Variants in NAA16 observed in about 807,000 individuals in gnomAD.
NAA16 encodes NARG1-like protein.
In NAA16, 97 loss-of-function variants were observed where a neutral mutation model predicts 110.3. The ratio of observed to expected loss-of-function variants is 0.88; its 90% confidence interval spans 0.75 to 1.04. The LOEUF (loss-of-function observed/expected upper bound fraction) is 1.04, where lower values mean the gene tolerates loss of function less well. NAA16 is among the 50% of genes least tolerant of loss of function. The pLI is 0.00. For synonymous variants in NAA16, 372 were observed against 330.6 expected (o/e 1.13, Z -1.36); for missense variants, 1,017 against 1,005.1 (o/e 1.01, Z -0.16).
At chr13:41,331,399 AT>A in intron 8 of NAA16, 30 bp downstream of exon 8, 1 of 1,390,848 alleles carries the variant, frequency 7.2e-7, no homozygotes, top group South Asian at 1.2e-5. Flanking sequence ...TATAATATTA[AT>A]TATTTGTCAG....
Position 41,311,580 on chromosome 13 carries a change from T to C in NAA16, c.52T>C (p.Leu18=), listed in dbSNP as rs150451630. 146 of 1,607,256 alleles carry C rather than the reference T, an allele frequency of 9.1e-5. No individual in the cohort carries two copies. Among genetic ancestry groups the C allele is most frequent in the Non-Finnish European group, 1.2e-4 (141 of 1,177,336 alleles). ...PKESNLFKRI[L]KCYEQKQYKN... ...GGAGAGCAACCTCTTCAAACGCATC[T>C]TGGTGAGTGGCCGTAGGCCGCGCTG... is the stretch of plus-strand genomic sequence containing the variant. The change falls in exon 1 of 20, where the codon TTG becomes CTG. Residue 18 remains leucine (L), a splice_region_variant and synonymous_variant. Coordinates refer to ENST00000379406, the MANE Select transcript of NAA16 (RefSeq NM_024561.5).
chr13:41,340,392 T>A (rs908907281), intron 9 of NAA16, among the ~76,000 whole-genome samples: 1 of 152,144 alleles, frequency 6.6e-6, no homozygotes, highest in African/African-American at 2.4e-5. Context: ...TGTTTGCCCT[T>A]GCTTCTCTAG....
At chr13:41,346,785 A>G (rs1163104133) in intron 9 of NAA16, among the ~76,000 whole-genome samples, 1 of 152,142 alleles carries the variant, frequency 6.6e-6, no homozygotes, top group Non-Finnish European at 1.5e-5. Flanking sequence ...AGAATTGGCT[A>G]GACCTTGGAG....
rs557228508 is a variant in NAA16 at position 41,350,328 on chromosome 13, C to G, written c.1015-4816C>G. On this transcript the variant is annotated intron_variant, in intron 9 of 19. Transcript: ENST00000379406. ...TTTTTTTTTGAGACGGAGTCTCGCT[C>G]TGTCCCCCAGGCTGGAGTGCAGTGG... Among the ~76,000 whole-genome samples, 51 of 149,098 alleles carry G rather than the reference C, an allele frequency of 3.4e-4. No individual in the cohort carries two copies. In the South Asian group the frequency reaches 0.01, roughly 30 times the overall value.
chr13:41,323,121 T>C lies in NAA16; in HGVS notation c.468T>C (p.Ile156=), dbSNP rs142473539. The C allele has an allele frequency of 1.9e-6, 3 of 1,613,152 alleles. No individual in the cohort carries two copies. The African/African-American group carries it at 4.0e-5, about 22-fold the overall frequency. ...GTGCCTCCTGGATTGGATATGCTATTGCATACCATTTGCTGAAAGATTATG... is the reference window on the plus strand; with the variant it reads ...GTGCCTCCTGGATTGGATATGCTATCGCATACCATTTGCTGAAAGATTATG... ...TQRASWIGYA[I]AYHLLKDYDM... is the part of the protein sequence containing the mutation. Residue 156 remains isoleucine (I), a synonymous_variant, in exon 5 of 20, where the codon ATT becomes ATC. Coordinates refer to ENST00000379406, the MANE Select transcript of NAA16 (RefSeq NM_024561.5).
intron 13 of NAA16, among the ~76,000 whole-genome samples, chr13:41,366,177 T>C (rs908364914): frequency 2.6e-5 from 4 of 152,188 alleles, no homozygotes; most frequent in Non-Finnish European, 4.4e-5. Flanking sequence ...GGCTTTTTAG[T>C]CATAAACTAA....
chr13:41,358,957 A>C lies in NAA16; in HGVS notation c.1405A>C (p.Thr469Pro), dbSNP rs751228305. Residue 469 changes from threonine (T) to proline (P), a missense_variant, in exon 12 of 20, where the codon ACA (threonine) becomes CCA (proline). Thr to Pro is a conservative substitution (Grantham distance 38). Transcript: ENST00000379406. ...AGCAGAGGAAATGTGCTCCAAGTTC[A>C]CAAGGGTAGGAAATAGCATGCATGA... is the stretch of plus-strand genomic sequence containing the variant. ...KEAEEMCSKF[T>P]REGTSAMENL... 1 of 1,604,862 alleles carries C rather than the reference A, an allele frequency of 6.2e-7. No homozygotes were observed. The highest frequency in any genetic ancestry group is 1.1e-5 in the South Asian group (1 of 89,932).
At chr13:41,328,970 A>G (rs1033506812) in intron 7 of NAA16, 127 bp downstream of exon 7, 3 of 789,550 alleles carry the variant, frequency 3.8e-6, no homozygotes, top group Admixed American at 5.7e-5. Context: ...TAGTAAAATT[A>G]TAGGTTAAAC....
intron 10 of NAA16, among the ~76,000 whole-genome samples, 155 bp from the exon 11 acceptor site, chr13:41,358,149 A>T (rs2043034104): frequency 6.6e-6 from 1 of 152,146 alleles, no homozygotes; most frequent in African/African-American, 2.4e-5. Context: ...GAACTTTATG[A>T]AGTCATACCT....
chr13:41,318,958 C>A, intron 3 of NAA16, 48 bp downstream of exon 3: 2 of 1,268,174 alleles, frequency 1.6e-6, no homozygotes, highest in Non-Finnish European at 2.2e-6. Context: ...CTAGTTTTTT[C>A]CTAATTCAAA....
chr13:41,374,852 T>C lies in NAA16; in HGVS notation c.2397+13T>C, dbSNP rs1421298379. The C allele has an allele frequency of 2.0e-6, 3 of 1,521,074 alleles. No homozygotes were observed. Among genetic ancestry groups the C allele is most frequent in the Non-Finnish European group, 2.7e-6 (3 of 1,103,886 alleles). The allele number at this position is 1,521,074 out of a possible 1,614,324, so 94.2% of individuals were successfully genotyped here. The stretch of plus-strand genomic sequence containing the variant: ...TAAAGATGTAAAGGTAAGTTTTTTT[T>C]CTTTGGCTGATTTATGCTTACACAG... On this transcript the variant is annotated intron_variant, in intron 19 of 19. Transcript: ENST00000379406.
At chr13:41,326,316 G>C (rs941576617) in intron 6 of NAA16, among the ~76,000 whole-genome samples, 3 of 152,082 alleles carry the variant, frequency 2.0e-5, no homozygotes, top group Admixed American at 1.3e-4. Flanking sequence ...TCATCAACAA[G>C]GGGTCAAACA....
At chr13:41,325,274 G>A (rs925709301) in intron 5 of NAA16, among the ~76,000 whole-genome samples, 7 of 23,514 alleles carry the variant, frequency 3.0e-4, no homozygotes, top group Admixed American at 1.4e-3. Context: ...TACATGCACT[G>A]GGAAACCATA....
chr13:41,319,456 T>C (rs933758946), intron 3 of NAA16, among the ~76,000 whole-genome samples: 1 of 152,216 alleles, frequency 6.6e-6, no homozygotes, highest in Admixed American at 6.5e-5. Flanking sequence ...TAGCTGTTAC[T>C]TAATTTGATC....
chr13:41,332,241 T>C (rs2042258816), intron 8 of NAA16, among the ~76,000 whole-genome samples: 1 of 152,120 alleles, frequency 6.6e-6, no homozygotes, highest in African/African-American at 2.4e-5. Flanking sequence ...CACTATGGTG[T>C]TTTAAGAACA....
rs2043129217 is a variant in NAA16 at position 41,362,328 on chromosome 13, A to T, written c.1539+169A>T. The T allele has an allele frequency of 1.1e-5, 7 of 614,392 alleles. No homozygotes were observed. The South Asian group carries it at 1.6e-4, about 14-fold the overall frequency. The allele number at this position is 614,392 out of a possible 1,614,324, so 38.1% of individuals were successfully genotyped here. On this transcript the variant is annotated intron_variant, in intron 13 of 19. Transcript: ENST00000379406. The stretch of plus-strand genomic sequence containing the variant: ...GAAGTTGTAAACAATGGATTGCTTT[A>T]CTGATCCTCAAGTGATTATGCTTTT...
rs1291979010 is a variant in NAA16 at position 41,358,947 on chromosome 13, C to T, written c.1395C>T (p.Cys465=). 9 of 1,607,578 alleles carry T rather than the reference C, an allele frequency of 5.6e-6. No individual in the cohort carries two copies. The highest frequency in any genetic ancestry group is 3.3e-5 in the South Asian group (3 of 90,344). The change falls in exon 12 of 20, where the codon TGC becomes TGT. Residue 465 remains cysteine (C), a synonymous_variant. Coordinates refer to ENST00000379406, the MANE Select transcript of NAA16 (RefSeq NM_024561.5). ...ANMIKEAEEM[C]SKFTREGTSA... ...TGATAAAAGAAGCAGAGGAAATGTGCTCCAAGTTCACAAGGGTAGGAAATA... is the reference window on the plus strand; with the variant it reads ...TGATAAAAGAAGCAGAGGAAATGTGTTCCAAGTTCACAAGGGTAGGAAATA...
At position 41,376,622 on chromosome 13, in the gene NAA16, A is replaced by C. The variant is rs1266764937; in HGVS notation, c.*1020A>C. 6.6e-6 allele frequency: 1 copy of C among 152,228 alleles called. No individual in the cohort carries two copies. The highest frequency in any genetic ancestry group is 2.4e-5 in the African/African-American group (1 of 41,464). 9.4% of individuals were successfully genotyped at this position (152,228 alleles called of 1,614,324 possible). A position where few individuals can be genotyped will look rare whatever the true frequency, so the allele number is the denominator to read the frequency against. On this transcript the variant is annotated 3_prime_UTR_variant, in exon 20 of 20. Coordinates refer to ENST00000379406, the MANE Select transcript of NAA16 (RefSeq NM_024561.5). ...CTGAGGTGTGCTTCAAGGGAGCATT[A>C]TAGGGCAGAAAACAAATTAAAATGA... is the stretch of plus-strand genomic sequence containing the variant.
chr13:41,336,594 A>AT, intron 8 of NAA16, 56 bp from the exon 9 acceptor site: 1 of 1,074,694 alleles, frequency 9.3e-7, no homozygotes, highest in Admixed American at 2.4e-5. Context: ...TTAGAAAATC[A>AT]TTTTAAGAAT....
Sources: gnomAD v4.1 joint callset for allele counts (sites outside exome capture counted in the v4.1 genomes callset) on GRCh38, gnomAD v4.1.1 for gene constraint, MANE v1.5 for transcripts, NCBI Gene and HGNC (gene_info 2026-07-23, HGNC 2026-07-21) for gene names.